SGCD: variants seen among roughly 807,000 people sequenced by gnomAD.
SGCD encodes delta-sarcoglycan.
A neutral mutation model predicts 36.6 loss-of-function variants in SGCD; 18 were observed. The observed-to-expected ratio is 0.49, with a 90% CI of 0.34 to 0.73. The LOEUF is 0.73. Ranked by LOEUF, SGCD falls within the 30% of genes least tolerant of loss-of-function variation. SGCD has a pLI of 0.01. For synonymous variants in SGCD, 133 were observed against 130.6 expected, an observed-to-expected ratio of 1.02 and a Z score of -0.12; for missense variants, 387 against 346.7, an observed-to-expected ratio of 1.12 and a Z score of -0.92.
At chr5:155,854,901 A>AT in the SGCD span, among the ~76,000 whole-genome samples, 1 of 152,184 alleles carries the variant, frequency 6.6e-6, no homozygotes, top group Admixed American at 6.6e-5. Flanking sequence ...TACTACTGTC[A>AT]TTTTATAGAG....
intron 1 of SGCD, among the ~76,000 whole-genome samples, chr5:155,952,788 A>G (rs1393509406): frequency 6.6e-6 from 1 of 152,152 alleles, no homozygotes; most frequent in Non-Finnish European, 1.5e-5. Flanking sequence ...AGTCATTTGC[A>G]TTTTTTGCCT....
At chr5:155,918,456 A>G (rs1756802221) in intron 1 of SGCD, among the ~76,000 whole-genome samples, 1 of 152,152 alleles carries the variant, frequency 6.6e-6, no homozygotes, top group Non-Finnish European at 1.5e-5. Flanking sequence ...CCAGCTACTC[A>G]GGAGGTTGAG....
At chr5:156,445,956 C>A (rs1221457147) in intron 3 of SGCD, among the ~76,000 whole-genome samples, 1 of 151,994 alleles carries the variant, frequency 6.6e-6, no homozygotes, top group African/African-American at 2.4e-5. Context: ...GTGCTAGTTG[C>A]CAGGGAGAGA....
At chr5:156,227,191 G>GT (rs1460108707) in intron 3 of SGCD, among the ~76,000 whole-genome samples, 17 of 152,090 alleles carry the variant, frequency 1.1e-4, no homozygotes, top group Non-Finnish European at 2.2e-4. Flanking sequence ...CTCTAGAAGG[G>GT]TTTTTCCAAT....
chr5:156,408,957 G>A (rs1275666172), intron 3 of SGCD, among the ~76,000 whole-genome samples: 1 of 152,162 alleles, frequency 6.6e-6, no homozygotes, highest in East Asian at 1.9e-4. Context: ...AAGCTCTGCT[G>A]TTGTGTTTTC....
At chr5:155,980,585 A>G (rs1214943704) in intron 1 of SGCD, among the ~76,000 whole-genome samples, 1 of 89,466 alleles carries the variant, frequency 1.1e-5, no homozygotes, top group Admixed American at 1.4e-4. Flanking sequence ...AAGACTCCCT[A>G]TCAAAAAAAA....
intron 1 of SGCD, among the ~76,000 whole-genome samples, chr5:155,899,741 C>A (rs1280712877): frequency 1.3e-5 from 2 of 152,082 alleles, no homozygotes; most frequent in Non-Finnish European, 2.9e-5. Context: ...CTTACCTTTT[C>A]AGGATCTTTG....
intron 3 of SGCD, among the ~76,000 whole-genome samples, chr5:156,452,090 C>T (rs1754046827): frequency 6.6e-6 from 1 of 152,150 alleles, no homozygotes; most frequent in Non-Finnish European, 1.5e-5. Context: ...TACTCTTGAG[C>T]CTGTGCTGGT....
At chr5:156,326,173 T>C (rs1216179338), upstream of SGCD, among the ~76,000 whole-genome samples, 1 of 152,150 alleles carries the variant, frequency 6.6e-6, no homozygotes, top group Non-Finnish European at 1.5e-5. Context: ...TTTTTCAGTG[T>C]GGGAGAAGAG....
chr5:156,652,983 G>T (rs1320869881), intron 7 of SGCD, among the ~76,000 whole-genome samples: 1 of 151,994 alleles, frequency 6.6e-6, no homozygotes, highest in African/African-American at 2.4e-5. Context: ...GATGTGCTGT[G>T]GGATTTTGTC....
the SGCD span, among the ~76,000 whole-genome samples, chr5:155,841,541 C>G: frequency 0.018 from 2,772 of 152,244 alleles, 96 homozygotes; most frequent in African/African-American, 0.064. Context: ...TGTGAATACT[C>G]TGTTTAAAAC....
intron 4 of SGCD, among the ~76,000 whole-genome samples, chr5:156,570,194 T>G (rs1759661863): frequency 6.6e-6 from 1 of 152,208 alleles, no homozygotes; most frequent in Non-Finnish European, 1.5e-5. Context: ...GGCACTAAAG[T>G]CAGAAAATGT....
chr5:156,036,369 A>G (rs557000570), intron 1 of SGCD, among the ~76,000 whole-genome samples: 1 of 152,318 alleles, frequency 6.6e-6, no homozygotes, highest in South Asian at 2.1e-4. Context: ...AATCATCAGC[A>G]GAAAGAAATG....
intron 6 of SGCD, among the ~76,000 whole-genome samples, chr5:156,613,061 T>C (rs1391848358): frequency 2.6e-5 from 4 of 152,170 alleles, no homozygotes; most frequent in Non-Finnish European, 5.9e-5. Flanking sequence ...GTGGCAGAGG[T>C]ACGGTGCTTT....
At chr5:156,651,035 C>G (rs1763439946) in intron 7 of SGCD, among the ~76,000 whole-genome samples, 1 of 152,096 alleles carries the variant, frequency 6.6e-6, no homozygotes, top group Admixed American at 6.6e-5. Context: ...GAGATAGTAT[C>G]TCATTGTGAT....
chr5:156,131,062 A>G (rs1470324727), intron 3 of SGCD, among the ~76,000 whole-genome samples: 2 of 152,246 alleles, frequency 1.3e-5, no homozygotes, highest in East Asian at 3.8e-4. Context: ...TTATGGTGAC[A>G]TTAAAGTTAA....
At chr5:156,548,842 C>A (rs904722507) in intron 4 of SGCD, among the ~76,000 whole-genome samples, 5 of 152,020 alleles carry the variant, frequency 3.3e-5, no homozygotes, top group Non-Finnish European at 7.4e-5. Flanking sequence ...AGCACAGGGC[C>A]GGTCTCTGAT....
intron 1 of SGCD, among the ~76,000 whole-genome samples, chr5:156,019,356 T>C (rs1001465957): frequency 1.3e-5 from 2 of 152,184 alleles, no homozygotes; most frequent in African/African-American, 2.4e-5. Flanking sequence ...GAGTTTTCCC[T>C]GGATGTTTCA....
At chr5:156,041,081 C>T (rs1443626788) in intron 1 of SGCD, among the ~76,000 whole-genome samples, 2 of 152,156 alleles carry the variant, frequency 1.3e-5, no homozygotes, top group Non-Finnish European at 2.9e-5. Context: ...GTATCCTTCC[C>T]AGCATCAGCT....
Sources: gnomAD v4.1 joint callset for allele counts (sites outside exome capture counted in the v4.1 genomes callset) on GRCh38, gnomAD v4.1.1 for gene constraint, MANE v1.5 for transcripts, NCBI Gene and HGNC (gene_info 2026-07-23, HGNC 2026-07-21) for gene names.